The following CASZ1 variants were observed in gnomAD, a reference collection of about 807,000 sequenced individuals.
The protein encoded by CASZ1 is castor zinc finger 1.
CASZ1 carries 28 observed loss-of-function variants against 135.2 expected under a neutral mutation model. The ratio of observed to expected loss-of-function variants is 0.21; its 90% CI spans 0.15 to 0.28. The LOEUF (loss-of-function observed/expected upper bound fraction) is 0.28, where lower values mean the gene tolerates loss of function less well. CASZ1 is among the 10% of genes least tolerant of loss of function. The pLI is 1.00. For missense variants in CASZ1, 2,161 were observed against 2,453.3 expected (o/e 0.88, Z 2.52); for synonymous variants, 1,068 against 1,073.4 (o/e 0.99, Z 0.10).
intron 2 of CASZ1, among the ~76,000 whole-genome samples, chr1:10,754,845 C>G (rs1640219321): frequency 6.6e-6 from 1 of 152,212 alleles, no homozygotes; most frequent in Non-Finnish European, 1.5e-5. Flanking sequence ...ACTTCATTAC[C>G]AGCTCTTAAC....
In CASZ1 at chr1:10,694,427, C is replaced by A; in HGVS notation, c.-23-515G>T. ...AAAGCCCTGATGTCATTGCTCCTGCCGGTAACACTCAGGGTAACAGTTTGG... is the reference window on the plus strand; with the variant it reads ...AAAGCCCTGATGTCATTGCTCCTGCAGGTAACACTCAGGGTAACAGTTTGG... On this transcript the variant is annotated intron_variant, in intron 3 of 20. Coordinates refer to ENST00000377022, the MANE Select transcript of CASZ1 (RefSeq NM_001079843.3). The surrounding 1 kb of genome is among the most constrained non-coding windows in gnomAD (Gnocchi z 6.6). 4.1e-6 allele frequency: 2 copies of A among 487,734 alleles called. No homozygotes were observed. The highest frequency in any genetic ancestry group is 5.8e-6 in the Non-Finnish European group (2 of 343,110). 30.2% of individuals were successfully genotyped at this position (487,734 alleles called of 1,614,324 possible).
At chr1:10,763,681 C>G (rs1041123669) in intron 1 of CASZ1, among the ~76,000 whole-genome samples, 1 of 152,186 alleles carries the variant, frequency 6.6e-6, no homozygotes, top group East Asian at 1.9e-4. Context: ...GGACTTTTAA[C>G]TCCTCAAGGG....
At chr1:10,714,536 G>C (rs1378573788) in intron 2 of CASZ1, among the ~76,000 whole-genome samples, 1 of 152,190 alleles carries the variant, frequency 6.6e-6, no homozygotes, top group Non-Finnish European at 1.5e-5. Context: ...GGCCACTGGT[G>C]CTGACGGGCA....
intron 15 of CASZ1, chr1:10,648,836 G>T: frequency 1.8e-6 from 1 of 551,356 alleles, no homozygotes; most frequent in Non-Finnish European, 3.2e-6. Context: ...TGCAGCAGCA[G>T]CTGTTGCTCA....
In CASZ1 at chr1:10,794,526, G is replaced by T. The variant is rs947849664; in HGVS notation, c.-234+2038C>A. ...GGCGCTACTGCCGCTTTTCCGGTGG[G>T]CACGCACCCGCACCCGCACCGTAGC... On this transcript the variant is annotated intron_variant, in intron 1 of 20. Coordinates refer to ENST00000377022, the MANE Select transcript of CASZ1 (RefSeq NM_001079843.3). This position sits in a 1 kb window ranked among gnomAD's most constrained non-coding sequence, Gnocchi z 5.6. Among the ~76,000 whole-genome samples the T allele has an allele frequency of 6.6e-6, 1 of 152,062 alleles. No homozygotes were observed. Among genetic ancestry groups the T allele is most frequent in the South Asian group, 2.1e-4 (1 of 4,806 alleles).
chr1:10,689,517 G>A (rs1018244315), intron 4 of CASZ1, among the ~76,000 whole-genome samples: 2 of 152,148 alleles, frequency 1.3e-5, no homozygotes, highest in Non-Finnish European at 1.5e-5. Flanking sequence ...TCTCCTCGCT[G>A]GTCCCTACCA....
At chr1:10,753,630 G>T (rs779590162) in intron 2 of CASZ1, among the ~76,000 whole-genome samples, 1 of 152,200 alleles carries the variant, frequency 6.6e-6, no homozygotes, top group Non-Finnish European at 1.5e-5. Flanking sequence ...TGCTTAAAGT[G>T]ACAAGACCCT....
chr1:10,662,916 G>A (rs182229905), intron 5 of CASZ1, among the ~76,000 whole-genome samples: 343 of 152,272 alleles, frequency 2.3e-3, no homozygotes, highest in Non-Finnish European at 4.2e-3. Flanking sequence ...CTGTTCTTGC[G>A]GACCCACCTC....
intron 5 of CASZ1, among the ~76,000 whole-genome samples, chr1:10,662,086 C>T (rs991041196): frequency 4.0e-5 from 6 of 151,840 alleles, no homozygotes; most frequent in Non-Finnish European, 2.9e-5. Context: ...CTCACACACA[C>T]CCTACACAGT....
At position 10,700,111 on chromosome 1, in the gene CASZ1, A is replaced by ACACACACACCCACACCCACC. The variant is rs1212625170; in HGVS notation, c.-24+5380_-24+5381insGGTGGGTGTGGGTGTGTGTG. Among the ~76,000 whole-genome samples, 2 of 151,906 alleles carry ACACACACACCCACACCCACC rather than the reference A, an allele frequency of 1.3e-5. No individual in the cohort carries two copies. The highest frequency in any genetic ancestry group is 4.2e-4 in the South Asian group (2 of 4,804). ...CACACACACACACACACACACACAC[A>ACACACACACCCACACCCACC]CACACAGAGTATGAAGCAGGGACCT... On this transcript the variant is annotated intron_variant, in intron 3 of 20. Transcript: ENST00000377022. The surrounding 1 kb of genome is among the most constrained non-coding windows in gnomAD (Gnocchi z 4.2).
intron 3 of CASZ1, among the ~76,000 whole-genome samples, chr1:10,696,518 G>C (rs1400861239): frequency 1.3e-5 from 2 of 152,226 alleles, no homozygotes; most frequent in African/African-American, 4.8e-5. Flanking sequence ...GGACCGCTGT[G>C]GGGTATACAC....
At chr1:10,754,576 G>A (rs1640211060) in intron 2 of CASZ1, among the ~76,000 whole-genome samples, 1 of 152,154 alleles carries the variant, frequency 6.6e-6, no homozygotes, top group African/African-American at 2.4e-5. Flanking sequence ...TAAACCAGGT[G>A]CTCCTCACAC....
intron 13 of CASZ1, 71 bp downstream of exon 13, chr1:10,650,621 C>A: frequency 7.7e-7 from 1 of 1,295,756 alleles, no homozygotes; most frequent in South Asian, 1.2e-5. Flanking sequence ...CAAACACATC[C>A]CCCCACCCCC....
intron 5 of CASZ1, chr1:10,660,858 T>A (rs1643000810): frequency 2.9e-6 from 1 of 346,302 alleles, no homozygotes; most frequent in Non-Finnish European, 5.3e-6. Flanking sequence ...CGCCTTGGCC[T>A]AATATGAAAG....
intron 1 of CASZ1, among the ~76,000 whole-genome samples, chr1:10,764,976 G>T (rs1640447007): frequency 1.3e-5 from 2 of 152,184 alleles, no homozygotes; most frequent in African/African-American, 4.8e-5. Context: ...TGCTAAGTCA[G>T]GAGGTCCTGT....
At chr1:10,780,549 T>C (rs1481241932) in intron 1 of CASZ1, among the ~76,000 whole-genome samples, 5 of 152,344 alleles carry the variant, frequency 3.3e-5, no homozygotes, top group African/African-American at 1.2e-4. Flanking sequence ...ATTATAGTTA[T>C]GTAAAATACA....
intron 4 of CASZ1, among the ~76,000 whole-genome samples, chr1:10,683,376 A>G (rs1247658508): frequency 3.9e-5 from 6 of 152,142 alleles, no homozygotes; most frequent in Non-Finnish European, 8.8e-5. Flanking sequence ...CTAAAACCCC[A>G]CCTGGGACAG....
intron 1 of CASZ1, among the ~76,000 whole-genome samples, chr1:10,768,978 T>C (rs1177753710): frequency 6.6e-6 from 1 of 152,102 alleles, no homozygotes; most frequent in Non-Finnish European, 1.5e-5. Flanking sequence ...CCGTCTCTAC[T>C]AAAAATACAA....
intron 4 of CASZ1, among the ~76,000 whole-genome samples, chr1:10,682,719 A>T (rs1002921168): frequency 1.3e-5 from 2 of 152,190 alleles, no homozygotes; most frequent in African/African-American, 4.8e-5. Flanking sequence ...AATAGAAAAC[A>T]TCTCCATCTC....
Sources: gnomAD v4.1 joint callset for allele counts (sites outside exome capture counted in the v4.1 genomes callset) on GRCh38, gnomAD v4.1.1 for gene constraint, Gnocchi (gnomAD v3.1) non-coding constraint, MANE v1.5 for transcripts, NCBI Gene and HGNC (gene_info 2026-07-23, HGNC 2026-07-21) for gene names.